The following CCDC138 variants were observed in gnomAD, a reference collection of about 807,000 sequenced individuals.
CCDC138 encodes the protein coiled-coil domain-containing protein 138.
A neutral mutation model predicts 82.3 loss-of-function variants in CCDC138; 66 were observed. That is an observed-to-expected ratio of 0.80 (90% CI 0.66 to 0.98). The LOEUF (loss-of-function observed/expected upper bound fraction) is 0.98. CCDC138 is among the 50% of genes least tolerant of loss of function. CCDC138 has a pLI of 0.00. For synonymous variants in CCDC138, 297 were observed against 265.4 expected (o/e 1.12, Z -1.16); for missense variants, 816 against 758.9 (o/e 1.08, Z -0.88).
At chr2:108,822,554 G>A (rs1685894810) in intron 10 of CCDC138, among the ~76,000 whole-genome samples, 1 of 152,090 alleles carries the variant, frequency 6.6e-6, no homozygotes, top group Admixed American at 6.6e-5. Context: ...TACGTGTTTG[G>A]CCACAAAACA....
chr2:108,860,935 C>CTTTTTTTT (rs70956282), intron 13 of CCDC138, among the ~76,000 whole-genome samples: 11,501 of 37,840 alleles, frequency 0.3, 4,632 homozygotes, highest in East Asian at 0.46. Context: ...TGGTCCAGGA[C>CTTTTTTTT]TTTTTTTTTT....
At chr2:108,790,066 C>T (rs1679646663) in intron 3 of CCDC138, among the ~76,000 whole-genome samples, 1 of 152,032 alleles carries the variant, frequency 6.6e-6, no homozygotes, top group Non-Finnish European at 1.5e-5. Flanking sequence ...ACAGTTTTCT[C>T]TTTCTCTACT....
At chr2:108,795,068 GTCT>G (rs1472240897) in intron 5 of CCDC138, among the ~76,000 whole-genome samples, 2 of 150,050 alleles carry the variant, frequency 1.3e-5, no homozygotes, top group African/African-American at 4.9e-5. Context: ...TATATAAAAA[GTCT>G]TCTTGTCAAC....
At chr2:108,820,793 G>A (rs1685571038) in intron 10 of CCDC138, among the ~76,000 whole-genome samples, 1 of 151,586 alleles carries the variant, frequency 6.6e-6, no homozygotes, top group Non-Finnish European at 1.5e-5. Context: ...AACAGTAGTT[G>A]AGGGAGTTCA....
At chr2:108,816,899 A>C (rs1330331476) in intron 10 of CCDC138, among the ~76,000 whole-genome samples, 1 of 152,136 alleles carries the variant, frequency 6.6e-6, no homozygotes, top group Non-Finnish European at 1.5e-5. Context: ...ACCTGGCTTC[A>C]TTGCACAGAA....
At chr2:108,818,183 A>G (rs1652366115) in intron 10 of CCDC138, among the ~76,000 whole-genome samples, 1 of 152,064 alleles carries the variant, frequency 6.6e-6, no homozygotes, top group Non-Finnish European at 1.5e-5. Flanking sequence ...GCACGCGCCT[A>G]TAACCCCAGT....
intron 10 of CCDC138, among the ~76,000 whole-genome samples, chr2:108,836,140 G>A (rs936580818): frequency 6.6e-6 from 1 of 152,056 alleles, no homozygotes; most frequent in Non-Finnish European, 1.5e-5. Context: ...TCAAACCATA[G>A]CGCTTATTAA....
rs773231424 is a variant in CCDC138, at chr2:108,815,940, G to C, written c.1042-1G>C. The C allele has an allele frequency of 3.1e-6, 5 of 1,601,844 alleles. No homozygotes were observed. In the South Asian group the frequency reaches 5.7e-5, roughly 18 times the overall value. ...TAAATGATTTAATTTTTGACATATA[G>C]GTACCACTTAATGGGCAAGTTTATG... On this transcript the variant is annotated splice_acceptor_variant, in intron 9 of 14. Coordinates refer to ENST00000295124, the MANE Select transcript of CCDC138 (RefSeq NM_144978.3). LOFTEE classifies it high-confidence loss of function.
At chr2:108,790,666 A>G (rs1234730265) in intron 3 of CCDC138, among the ~76,000 whole-genome samples, 1 of 152,238 alleles carries the variant, frequency 6.6e-6, no homozygotes, top group Non-Finnish European at 1.5e-5. Context: ...GCGCCACTGC[A>G]CTGCAACCTG....
intron 11 of CCDC138, among the ~76,000 whole-genome samples, chr2:108,839,973 A>C (rs1689190012): frequency 6.6e-6 from 1 of 152,070 alleles, no homozygotes; most frequent in South Asian, 2.1e-4. Flanking sequence ...TCATTCTGCC[A>C]TTACTAAGTA....
intron 12 of CCDC138, among the ~76,000 whole-genome samples, chr2:108,850,612 C>T (rs934006949): frequency 6.6e-6 from 1 of 152,024 alleles, no homozygotes; most frequent in Non-Finnish European, 1.5e-5. Context: ...CCACCACACC[C>T]TGCTAATTTT....
intron 13 of CCDC138, among the ~76,000 whole-genome samples, chr2:108,861,701 G>A (rs564466786): frequency 2.6e-5 from 4 of 152,040 alleles, no homozygotes; most frequent in Non-Finnish European, 5.9e-5. Flanking sequence ...GACTGGTCTC[G>A]AACTCCTGAC....
At chr2:108,811,444 T>C (rs573287620) in intron 7 of CCDC138, among the ~76,000 whole-genome samples, 13 of 151,944 alleles carry the variant, frequency 8.6e-5, no homozygotes, top group Admixed American at 4.6e-4. Context: ...TGAGGTCTTA[T>C]TGTGTTGCTG....
chr2:108,829,521 G>T (rs949040555), intron 10 of CCDC138, among the ~76,000 whole-genome samples: 1 of 152,166 alleles, frequency 6.6e-6, no homozygotes, highest in East Asian at 1.9e-4. Flanking sequence ...CAAGGCAGGC[G>T]GGTCACTTGA....
chr2:108,818,675 T>C (rs574127785), intron 10 of CCDC138, among the ~76,000 whole-genome samples: 2 of 152,202 alleles, frequency 1.3e-5, no homozygotes, highest in Non-Finnish European at 2.9e-5. Context: ...TTTTAAATAA[T>C]GTAACCTTAT....
Position 108,808,619 on chromosome 2 carries a change from A to G in CCDC138, c.855+3611A>G, listed in dbSNP as rs76665050. On this transcript the variant is annotated intron_variant, in intron 7 of 14. Coordinates refer to ENST00000295124, the MANE Select transcript of CCDC138 (RefSeq NM_144978.3). ...ATTAACCTGATGATTAGTGATATTG[A>G]GCATTTTTTCATATACCTGTTGGCT... Among the ~76,000 whole-genome samples, 840 of 152,250 alleles carry G rather than the reference A, an allele frequency of 5.5e-3. 7 individuals carry two copies. Among genetic ancestry groups the G allele is most frequent in the African/African-American group, 0.019 (801 of 41,558 alleles).
intron 10 of CCDC138, among the ~76,000 whole-genome samples, chr2:108,834,103 T>G (rs879357605): frequency 3.3e-5 from 5 of 151,540 alleles, no homozygotes; most frequent in Admixed American, 6.6e-5. Flanking sequence ...AATTTGAGGG[T>G]ATCATTTTAC....
At chr2:108,821,176 G>A (rs537535916) in intron 10 of CCDC138, among the ~76,000 whole-genome samples, 85 of 152,116 alleles carry the variant, frequency 5.6e-4, no homozygotes, top group Non-Finnish European at 9.7e-4. Context: ...TGGCCAACAT[G>A]GTGAAACCCC....
intron 4 of CCDC138, among the ~76,000 whole-genome samples, 188 bp from the exon 5 acceptor site, chr2:108,794,352 C>T (rs1210800896): frequency 6.7e-6 from 1 of 149,874 alleles, no homozygotes; most frequent in Non-Finnish European, 1.5e-5. Context: ...CAATCAATTG[C>T]TGTATACCCT....
Sources: allele counts gnomAD v4.1 joint callset (sites outside exome capture counted in the v4.1 genomes callset), GRCh38; gene constraint gnomAD v4.1.1; transcripts MANE v1.5; gene names NCBI Gene and HGNC (gene_info 2026-07-23, HGNC 2026-07-21).